Variants in DHX37 observed in about 807,000 individuals in gnomAD.
The protein encoded by DHX37 is probable ATP-dependent RNA helicase DHX37.
Under a neutral mutation model 134.3 loss-of-function variants are expected in DHX37, and 52 were observed. The ratio of observed to expected loss-of-function variants is 0.39; its 90% CI spans 0.31 to 0.49. The LOEUF is 0.49. Among genes scored for constraint, DHX37 ranks in the 20% least tolerant of loss-of-function variants. DHX37 has a pLI of 0.93. For missense variants in DHX37, 1,344 were observed against 1,580.8 expected (o/e 0.85, Z 2.54); for synonymous variants, 634 against 670.7 (o/e 0.95, Z 0.85).
chr12:124,988,160 G>A (rs369149493), intron 1 of DHX37, among the ~76,000 whole-genome samples: 1 of 151,820 alleles, frequency 6.6e-6, no homozygotes, highest in Non-Finnish European at 1.5e-5. Flanking sequence ...CGCCTCCTCT[G>A]CTCTAAATGC....
intron 6 of DHX37, 92 bp downstream of exon 6, chr12:124,975,327 A>G (rs1954613738): frequency 7.6e-7 from 1 of 1,316,064 alleles, no homozygotes; most frequent in Non-Finnish European, 1.1e-6. Context: ...CACCCTCGGC[A>G]CAGATGCTGC....
At position 124,972,533 on chromosome 12, in the gene DHX37, C is replaced by T. The variant is rs758652225; in HGVS notation, c.1047G>A (p.Thr349=). ...GGATTTCTTTAAGCAGCACACCATC[C>T]GTCATGAACTTGATTCTGGTCTCCT... The part of the protein sequence containing the change: ...VTEETRIKFM[T]DGVLLKEIQK... Residue 349 remains threonine (T), a synonymous_variant, in exon 7 of 27, where the codon ACG becomes ACA. Coordinates refer to ENST00000308736, the MANE Select transcript of DHX37 (RefSeq NM_032656.4). 31 of 1,614,094 alleles carry T rather than the reference C, an allele frequency of 1.9e-5. No homozygotes were observed. The highest frequency in any genetic ancestry group is 8.3e-5 in the Admixed American group (5 of 60,008).
chr12:124,971,794 C>T (rs1437936732), intron 7 of DHX37, among the ~76,000 whole-genome samples: 1 of 152,212 alleles, frequency 6.6e-6, no homozygotes, highest in Non-Finnish European at 1.5e-5. Context: ...ACAGCTTCTT[C>T]ACCAGACAGC....
chr12:124,966,841 C>A lies in DHX37; in HGVS notation c.1542G>T (p.Met514Ile). The A allele has an allele frequency of 6.2e-7, 1 of 1,614,258 alleles. No individual in the cohort carries two copies. Among genetic ancestry groups the A allele is most frequent in the South Asian group, 1.1e-5 (1 of 91,090 alleles). Residue 514 changes from methionine (M) to isoleucine (I), a missense_variant, in exon 12 of 27, where the codon ATG (methionine) becomes ATT (isoleucine). Met to Ile is a conservative substitution (Grantham distance 10). Transcript: ENST00000308736. ...DDDQKDSVEEMRKFKKSRARA... is the reference protein window; with the variant it reads ...DDDQKDSVEEIRKFKKSRARA... ...TGGCCCTTGACTTCTTAAACTTCCG[C>A]ATTTCCTCCACCGAGTCTTTCTGAT...
At position 124,950,504 on chromosome 12, in the gene DHX37, A is replaced by G; in HGVS notation, c.3030T>C (p.Ser1010=). ...EVQWIPALLP[S]YCQFDKPLEE... is the part of the protein sequence containing the mutation. ...CCAGGGGCTTGTCAAACTGGCAGTA[A>G]GAGGGCAGCAGGGCCGGGATCCACT... The change falls in exon 23 of 27, where the codon TCT becomes TCC. Residue 1010 remains serine, a synonymous_variant. Transcript: ENST00000308736. The G allele has an allele frequency of 6.4e-7, 1 of 1,567,848 alleles. No homozygotes were observed. The highest frequency in any genetic ancestry group is 8.6e-7 in the Non-Finnish European group (1 of 1,157,524).
At chr12:124,963,200 C>T (rs59775177) in intron 15 of DHX37, among the ~76,000 whole-genome samples, 22,260 of 152,206 alleles carry the variant, frequency 0.15, 2,158 homozygotes, top group African/African-American at 0.27. Context: ...ACCTGCCACC[C>T]GGGGTGAGCC....
chr12:124,950,031 C>T lies in DHX37; in HGVS notation c.3245G>A (p.Ser1082Asn), dbSNP rs1953942647. Residue 1082 changes from serine (S) to asparagine (N), a missense_variant, in exon 25 of 27, where the codon AGC becomes AAC. Ser to Asn is a conservative substitution (Grantham distance 46, BLOSUM62 1). Around this residue, in one of 7 missense-constraint regions of DHX37, gnomAD observed 558 missense variants for 650.0 expected, o/e 0.86. Transcript: ENST00000308736. ...GGTGCCGGGGCTGGACAGCAGACAGCTCCGGTATGAGGCCAGCTTGCGGAA... is the reference window on the plus strand; with the variant it reads ...GGTGCCGGGGCTGGACAGCAGACAGTTCCGGTATGAGGCCAGCTTGCGGAA... ...QVFRKLASYR[S>N]CLLSSPGTML... 14 of 1,613,272 alleles carry T rather than the reference C, an allele frequency of 8.7e-6. No homozygotes were observed. Among genetic ancestry groups the T allele is most frequent in the Admixed American group, 1.7e-5 (1 of 59,930 alleles).
intron 3 of DHX37, 105 bp downstream of exon 3, chr12:124,982,406 G>T: frequency 7.0e-7 from 1 of 1,438,132 alleles, no homozygotes; most frequent in Non-Finnish European, 9.4e-7. Flanking sequence ...CCACCATAAA[G>T]GTATTTTCTC....
chr12:124,952,520 G>A lies in DHX37; in HGVS notation c.2746C>T (p.Pro916Ser). The change falls in exon 21 of 27, where the codon CCG becomes TCG. Residue 916 changes from proline (P) to serine (S), a missense_variant. By Grantham distance (74) the Pro-to-Ser change is moderately conservative. Coordinates refer to ENST00000308736, the MANE Select transcript of DHX37 (RefSeq NM_032656.4). Reference sequence around the variant, plus strand: ...TAGGTCACCTGGCTCTCGGTGGGCGGCTGCATCTTGGGATCCACGAAGAGC... The same window carrying A: ...TAGGTCACCTGGCTCTCGGTGGGCGACTGCATCTTGGGATCCACGAAGAGC... ...AELFVDPKMQ[P>S]PTESQVTYLR... 2 of 1,530,790 alleles carry A rather than the reference G, an allele frequency of 1.3e-6. No individual in the cohort carries two copies. The highest frequency in any genetic ancestry group is 1.7e-5 in the African/African-American group (1 of 57,834). The allele number at this position is 1,530,790 out of a possible 1,614,324, so 94.8% of individuals were successfully genotyped here. A position where few individuals can be genotyped will look rare whatever the true frequency, so the allele number is the denominator to read the frequency against.
In DHX37 at chr12:124,980,699, A is replaced by G; in HGVS notation, c.529T>C (p.Ser177Pro). 1 of 1,567,518 alleles carries G rather than the reference A, an allele frequency of 6.4e-7. No individual in the cohort carries two copies. The highest frequency in any genetic ancestry group is 1.1e-5 in the South Asian group (1 of 87,484). Residue 177 changes from serine to proline, a missense_variant, in exon 4 of 27, where the codon TCG becomes CCG. Around this residue, in one of 7 missense-constraint regions of DHX37, gnomAD observed 319 missense variants for 296.1 expected, o/e 1.08. Coordinates refer to ENST00000308736, the MANE Select transcript of DHX37 (RefSeq NM_032656.4). The surrounding 1 kb of genome is among the most constrained non-coding windows in gnomAD (Gnocchi z 5.3). ...EESESELEEE[S>P]ELDEDPAAEP... is the part of the protein sequence containing the mutation. ...GCAGCTGGGTCCTCGTCCAGCTCCG[A>G]CTCCTCCTCCAGCTCCGATTCCGAC...
chr12:124,971,497 G>A, intron 7 of DHX37, 82 bp from the exon 8 acceptor site: 1 of 1,553,210 alleles, frequency 6.4e-7, no homozygotes, highest in South Asian at 1.2e-5. Flanking sequence ...CCCACTTGAG[G>A]AGACAGTGTT....
chr12:124,987,128 A>C lies in DHX37; in HGVS notation c.107-863T>G, dbSNP rs115015777. Among the ~76,000 whole-genome samples the C allele has an allele frequency of 1.9e-3, 293 of 152,338 alleles. 1 individual carries two copies. The highest frequency in any genetic ancestry group is 6.8e-3 in the African/African-American group (282 of 41,590). ...CCCAGCACTTTGGGAAAATCACCTG[A>C]GGCCAGGAGTTGGGGACCAGCCTGG... On this transcript the variant is annotated intron_variant, in intron 1 of 26. Transcript: ENST00000308736.
At chr12:124,969,580 A>T (rs1954473931) in intron 8 of DHX37, among the ~76,000 whole-genome samples, 2 of 150,956 alleles carry the variant, frequency 1.3e-5, no homozygotes, top group Admixed American at 1.3e-4. Context: ...CTGCTTGGCC[A>T]CTCTAGACTT....
rs1297524041 is a variant in DHX37, at chr12:124,949,173, A to G, written c.3290+813T>C. 6.6e-6 allele frequency among the ~76,000 whole-genome samples: 1 copy of G among 152,184 alleles called. No homozygotes were observed. On this transcript the variant is annotated intron_variant, in intron 25 of 26. Coordinates refer to ENST00000308736, the MANE Select transcript of DHX37 (RefSeq NM_032656.4). The surrounding 1 kb of genome is among the most constrained non-coding windows in gnomAD (Gnocchi z 4.0). Reference sequence around the variant, plus strand: ...AGATCGTGTCTGTATCCCAGCCCCGAGAACATGCCTGGGACAGGGCCACAC... The same window carrying G: ...AGATCGTGTCTGTATCCCAGCCCCGGGAACATGCCTGGGACAGGGCCACAC...
intron 8 of DHX37, among the ~76,000 whole-genome samples, chr12:124,969,414 G>A (rs1210932854): frequency 6.6e-6 from 1 of 152,168 alleles, no homozygotes; most frequent in Non-Finnish European, 1.5e-5. Flanking sequence ...AGCTCTTGCT[G>A]CCTTTGCTGC....
At chr12:124,950,281 C>T (rs750270788) in intron 23 of DHX37, 38 bp from the exon 24 acceptor site, 1 of 1,611,360 alleles carries the variant, frequency 6.2e-7, no homozygotes, top group Non-Finnish European at 8.5e-7. Flanking sequence ...GACCCTCCTG[C>T]AGCTGCCCTC....
intron 8 of DHX37, among the ~76,000 whole-genome samples, chr12:124,969,471 G>A (rs191659963): frequency 2.0e-5 from 3 of 152,250 alleles, no homozygotes; most frequent in South Asian, 2.1e-4. Context: ...AAGCACCTCT[G>A]TGGGAGGCAG....
intron 9 of DHX37, 56 bp downstream of exon 9, chr12:124,968,811 C>T (rs1954453194): frequency 4.4e-6 from 7 of 1,608,496 alleles, no homozygotes; most frequent in South Asian, 3.3e-5. Context: ...GGGCTCCCGA[C>T]ACCAGGGCGT....
intron 4 of DHX37, among the ~76,000 whole-genome samples, chr12:124,978,597 C>T (rs1467344537): frequency 2.0e-5 from 3 of 146,702 alleles, no homozygotes; most frequent in East Asian, 2.3e-4. Flanking sequence ...GGATTACAGG[C>T]GTGAGCCATC....
Sources: allele counts gnomAD v4.1 joint callset (sites outside exome capture counted in the v4.1 genomes callset), GRCh38; gene constraint gnomAD v4.1.1; regional missense constraint gnomAD v4.1.1; non-coding constraint Gnocchi (gnomAD v3.1); transcripts MANE v1.5; gene names NCBI Gene and HGNC (gene_info 2026-07-23, HGNC 2026-07-21).